ALKAL2: variants seen among roughly 807,000 people sequenced by gnomAD.
ALKAL2 encodes AUG-alpha.
Under a neutral mutation model 18.5 loss-of-function variants are expected in ALKAL2, and 8 were observed. The ratio of observed to expected loss-of-function variants is 0.43; its 90% CI spans 0.25 to 0.78. The LOEUF (loss-of-function observed/expected upper bound fraction) is 0.78, where lower values mean the gene tolerates loss of function less well. ALKAL2 is among the 30% of genes least tolerant of loss of function. The pLI, the probability that ALKAL2 is intolerant of heterozygous loss-of-function variation, is 0.22. For missense variants in ALKAL2, 241 were observed against 211.2 expected, an observed-to-expected ratio of 1.14 and a Z score of -0.88; for synonymous variants, 135 against 95.8, an observed-to-expected ratio of 1.41 and a Z score of -2.39.
At chr2:281,293 G>C (rs1325962187) in intron 5 of ALKAL2, among the ~76,000 whole-genome samples, 1 of 152,156 alleles carries the variant, frequency 6.6e-6, no homozygotes, top group Non-Finnish European at 1.5e-5. Context: ...CCTATCTCTT[G>C]GCCAAAATGA....
intron 4 of ALKAL2, among the ~76,000 whole-genome samples, chr2:284,808 C>G (rs1670454345): frequency 6.6e-6 from 1 of 152,126 alleles, no homozygotes. Context: ...AATCTATGAT[C>G]CTATTACTGT....
At chr2:282,455 T>C (rs1427039832) in intron 5 of ALKAL2, among the ~76,000 whole-genome samples, 1 of 152,252 alleles carries the variant, frequency 6.6e-6, no homozygotes, top group Non-Finnish European at 1.5e-5. Context: ...AGTTGCATCC[T>C]GCTGTCTAAA....
Position 287,605 on chromosome 2 carries a change from C to A in ALKAL2, c.231G>T (p.Gly77=). 1 of 1,474,446 alleles carries A rather than the reference C, an allele frequency of 6.8e-7. No individual in the cohort carries two copies. The highest frequency in any genetic ancestry group is 1.3e-5 in the South Asian group (1 of 77,166). 91.3% of individuals were successfully genotyped at this position (1,474,446 alleles called of 1,614,324 possible). A position where few individuals can be genotyped will look rare whatever the true frequency, so the allele number is the denominator to read the frequency against. The part of the protein sequence containing the change: ...ALGRAEAAGL[G]PSPEQRVEIV... The stretch of plus-strand genomic sequence containing the variant: ...CACCCACTCGCTGCTCCGGCGAAGG[C>A]CCCAGCCCCGCCGCCTCCGCGCGGC... Residue 77 remains glycine, a synonymous_variant, in exon 2 of 6, where the codon GGG becomes GGT. Transcript: ENST00000403610.
chr2:285,706 T>C (rs977427616), intron 4 of ALKAL2, among the ~76,000 whole-genome samples: 1 of 152,104 alleles, frequency 6.6e-6, no homozygotes, highest in African/African-American at 2.4e-5. Flanking sequence ...TCCTGGGTGA[T>C]GAGGTTATAA....
chr2:280,070 TAA>T lies in ALKAL2; in HGVS notation c.*75_*76del. The T allele has an allele frequency of 6.5e-7, 1 of 1,536,772 alleles. No individual in the cohort carries two copies. The highest frequency in any genetic ancestry group is 9.0e-7 in the Non-Finnish European group (1 of 1,109,548). ...TCTCTTGTCCATGAGGGGATGTGTA[TAA>T]AGATAGTTCTGTTTCCCTGTTGGTT... is the stretch of plus-strand genomic sequence containing the variant. On this transcript the variant is annotated 3_prime_UTR_variant, in exon 6 of 6. Transcript: ENST00000403610.
chr2:287,480 C>T, intron 2 of ALKAL2, 103 bp downstream of exon 2: 3 of 544,008 alleles, frequency 5.5e-6, no homozygotes, highest in Non-Finnish European at 8.3e-6. Context: ...AGGAATCCTG[C>T]TGTTCAGTGG....
At chr2:286,429 G>A in intron 2 of ALKAL2, 86 bp from the exon 3 acceptor site, 2 of 1,065,634 alleles carry the variant, frequency 1.9e-6, no homozygotes, top group Non-Finnish European at 2.8e-6. Context: ...AAGAAAATTG[G>A]AGCTCCATAT....
Position 286,297 on chromosome 2 carries a change from G to A in ALKAL2, c.300C>T (p.His100=). The A allele has an allele frequency of 6.2e-7, 1 of 1,612,620 alleles. No individual in the cohort carries two copies. The highest frequency in any genetic ancestry group is 8.5e-7 in the Non-Finnish European group (1 of 1,179,212). The part of the protein sequence containing the change: ...DLRMKDKFLK[H]LTGPLYFSPK... The stretch of plus-strand genomic sequence containing the variant: ...AACGAGGAGAAAACTTACCTGTAAG[G>A]TGTTTTAGAAACTTGTCCTTCATCC... Residue 100 remains histidine (H), a synonymous_variant, in exon 3 of 6, where the codon CAC becomes CAT. Coordinates refer to ENST00000403610, the MANE Select transcript of ALKAL2 (RefSeq NM_001002919.3).
chr2:286,205 T>C lies in ALKAL2; in HGVS notation c.308-2A>G, dbSNP rs1352938567. The C allele has an allele frequency of 6.2e-7, 1 of 1,613,660 alleles. No individual in the cohort carries two copies. Among genetic ancestry groups the C allele is most frequent in the East Asian group, 2.2e-5 (1 of 44,888 alleles). ...ACTTTGGACTAAAATAAAGAGGGCCTGGAACACGGAAGAAGAAACAGATCA... is the reference window on the plus strand; with the variant it reads ...ACTTTGGACTAAAATAAAGAGGGCCCGGAACACGGAAGAAGAAACAGATCA... On this transcript the variant is annotated splice_acceptor_variant, in intron 3 of 5. Transcript: ENST00000403610. LOFTEE classifies it high-confidence loss of function.
intron 4 of ALKAL2, 146 bp downstream of exon 4, chr2:285,977 G>A (rs1670494845): frequency 3.1e-6 from 2 of 640,990 alleles, no homozygotes; most frequent in African/African-American, 1.8e-5. Context: ...GCAATGGTCT[G>A]GCGATCTTGG....
At position 288,082 on chromosome 2, in the gene ALKAL2, T is replaced by A; in HGVS notation, c.-127A>T. 2 of 1,189,928 alleles carry A rather than the reference T, an allele frequency of 1.7e-6. No individual in the cohort carries two copies. Among genetic ancestry groups the A allele is most frequent in the Non-Finnish European group, 2.1e-6 (2 of 961,994 alleles). 73.7% of individuals were successfully genotyped at this position (1,189,928 alleles called of 1,614,324 possible). Reference sequence around the variant, plus strand: ...GTCTCCTCGACGATCACGCCCGAGGTCCCGCCCACGGGGAGCGACCGCCGC... The same window carrying A: ...GTCTCCTCGACGATCACGCCCGAGGACCCGCCCACGGGGAGCGACCGCCGC... On this transcript the variant is annotated 5_prime_UTR_variant, in exon 1 of 6. Transcript: ENST00000403610.
rs1340183751 is a variant in ALKAL2, at chr2:280,254, C to T, written c.454-102G>A. The T allele has an allele frequency of 3.8e-6, 5 of 1,302,488 alleles. No homozygotes were observed. In the East Asian group the frequency reaches 1.2e-4, roughly 30 times the overall value. The allele number at this position is 1,302,488 out of a possible 1,614,324, so 80.7% of individuals were successfully genotyped here. ...TTAGGGGACACAACATGTTTATAAA[C>T]ATAGGCAGTCTCAGAGTGCATCTGT... is the stretch of plus-strand genomic sequence containing the variant. On this transcript the variant is annotated intron_variant, in intron 5 of 5. Transcript: ENST00000403610.
At chr2:287,427 T>C (rs1487207909) in intron 2 of ALKAL2, 156 bp downstream of exon 2, 47 of 571,836 alleles carry the variant, frequency 8.2e-5, no homozygotes, top group Non-Finnish European at 7.8e-5. Flanking sequence ...CGCGGACCTA[T>C]TGCTGCTATT....
At position 283,039 on chromosome 2, in the gene ALKAL2, A is replaced by G. The variant is rs747533197; in HGVS notation, c.453+72T>C. ...AAAGAATGAGTGTTCCTAAACTCCC[A>G]TGAATTTTTCATGTCCCAAGCGGGA... On this transcript the variant is annotated intron_variant, in intron 5 of 5. Coordinates refer to ENST00000403610, the MANE Select transcript of ALKAL2 (RefSeq NM_001002919.3). 18 of 1,458,238 alleles carry G rather than the reference A, an allele frequency of 1.2e-5. No individual in the cohort carries two copies. In the African/African-American group the frequency reaches 2.3e-4, roughly 18 times the overall value. 90.3% of individuals were successfully genotyped at this position (1,458,238 alleles called of 1,614,324 possible).
At chr2:282,753 C>G (rs1241673057) in intron 5 of ALKAL2, among the ~76,000 whole-genome samples, 1 of 152,240 alleles carries the variant, frequency 6.6e-6, no homozygotes, top group Non-Finnish European at 1.5e-5. Flanking sequence ...TGTTGGTCAT[C>G]TACTCACTTG....
At chr2:281,441 T>A (rs1056396167) in intron 5 of ALKAL2, among the ~76,000 whole-genome samples, 3 of 152,124 alleles carry the variant, frequency 2.0e-5, no homozygotes, top group Non-Finnish European at 4.4e-5. Flanking sequence ...TGTCTGGTGA[T>A]GGGGAGAGTG....
At chr2:286,480 C>G in intron 2 of ALKAL2, 137 bp from the exon 3 acceptor site, 1 of 634,188 alleles carries the variant, frequency 1.6e-6, no homozygotes, top group African/African-American at 1.8e-5. Context: ...GACTGGGGCC[C>G]TGGATTGCAA....
At chr2:285,612 G>C (rs1006317764) in intron 4 of ALKAL2, among the ~76,000 whole-genome samples, 3 of 152,210 alleles carry the variant, frequency 2.0e-5, no homozygotes, top group Non-Finnish European at 4.4e-5. Flanking sequence ...CTACTGCTGA[G>C]AGCTATGTTG....
rs1361045717 is a variant in ALKAL2 at position 279,854 on chromosome 2, TGAA to T, written c.*290_*292del. ...AAATATTTTTTGCGATTTCACCTAA[TGAA>T]GACAATGAAATATTCTGTGTTTTAT... On this transcript the variant is annotated 3_prime_UTR_variant, in exon 6 of 6. Transcript: ENST00000403610. 4.3e-5 allele frequency: 16 copies of T among 368,116 alleles called. No individual in the cohort carries two copies. The highest frequency in any genetic ancestry group is 1.6e-4 in the East Asian group (4 of 25,208). The allele number at this position is 368,116 out of a possible 1,614,324, so 22.8% of individuals were successfully genotyped here.
Sources: allele counts gnomAD v4.1 joint callset (sites outside exome capture counted in the v4.1 genomes callset), GRCh38; gene constraint gnomAD v4.1.1; transcripts MANE v1.5; gene names NCBI Gene and HGNC (gene_info 2026-07-23, HGNC 2026-07-21).